Variants in RCAN1 observed in about 807,000 individuals in gnomAD.
The protein encoded by RCAN1 is calcipressin-1.
A neutral mutation model predicts 22.9 loss-of-function variants in RCAN1; 11 were observed. That is an observed-to-expected ratio of 0.48 (90% CI 0.30 to 0.79). RCAN1 has a LOEUF of 0.79. Ranked by LOEUF, RCAN1 falls within the 30% of genes least tolerant of loss-of-function variation. The pLI is 0.06. For missense variants in RCAN1, 291 were observed against 337.8 expected, an observed-to-expected ratio of 0.86 and a Z score of 1.09; for synonymous variants, 136 against 142.3, an observed-to-expected ratio of 0.96 and a Z score of 0.32.
At chr21:34,608,589 A>G (rs1229026243) in intron 1 of RCAN1, among the ~76,000 whole-genome samples, 2 of 152,186 alleles carry the variant, frequency 1.3e-5, no homozygotes, top group South Asian at 2.1e-4. Flanking sequence ...CACAGCTGAT[A>G]TTTTATTGCA....
intron 1 of RCAN1, among the ~76,000 whole-genome samples, chr21:34,591,141 C>A (rs367869098): frequency 6.6e-6 from 1 of 152,184 alleles, no homozygotes; most frequent in Admixed American, 6.5e-5. Flanking sequence ...ATGCTAAATA[C>A]GTATTTATGC....
At chr21:34,520,518 T>C (rs1325027750) in intron 3 of RCAN1, among the ~76,000 whole-genome samples, 2 of 152,218 alleles carry the variant, frequency 1.3e-5, no homozygotes, top group Admixed American at 6.5e-5. Context: ...TTTTCAGAAA[T>C]GTAATCTTTT....
chr21:34,564,971 A>C (rs1986949324), intron 1 of RCAN1, among the ~76,000 whole-genome samples: 1 of 152,176 alleles, frequency 6.6e-6, no homozygotes, highest in Non-Finnish European at 1.5e-5. Context: ...AGGCCAAGAC[A>C]GTAGGATTGC....
chr21:34,608,667 CTG>C (rs1342474047), intron 1 of RCAN1, among the ~76,000 whole-genome samples: 3 of 152,234 alleles, frequency 2.0e-5, no homozygotes, highest in Non-Finnish European at 4.4e-5. Flanking sequence ...CCCACAGACA[CTG>C]TGACATAATT....
rs772496323 is a variant in RCAN1, at chr21:34,592,159, G to C, written c.252+22601C>G. On this transcript the variant is annotated intron_variant, in intron 1 of 3. Transcript: ENST00000313806. ...GAGCCAGAAAACCTGAGAAAACTACGCAAGTGCACTCCAGTGTCTGAATTT... is the reference window on the plus strand; with the variant it reads ...GAGCCAGAAAACCTGAGAAAACTACCCAAGTGCACTCCAGTGTCTGAATTT... 2.0e-4 allele frequency among the ~76,000 whole-genome samples: 31 copies of C among 152,176 alleles called. 1 individual carries two copies. Among genetic ancestry groups the C allele is most frequent in the Non-Finnish European group, 5.9e-5 (4 of 68,034 alleles).
chr21:34,605,561 T>G (rs1254356244), intron 1 of RCAN1, among the ~76,000 whole-genome samples: 2 of 152,202 alleles, frequency 1.3e-5, no homozygotes, highest in Non-Finnish European at 2.9e-5. Flanking sequence ...CACAGAGCTA[T>G]CCTAGGATTG....
At chr21:34,549,225 C>T (rs1385438985) in intron 1 of RCAN1, among the ~76,000 whole-genome samples, 1 of 152,122 alleles carries the variant, frequency 6.6e-6, no homozygotes, top group African/African-American at 2.4e-5. Flanking sequence ...TCTCAGTGGC[C>T]CTCGAAGGCA....
intron 1 of RCAN1, chr21:34,525,148 G>A: frequency 1.3e-6 from 2 of 1,550,614 alleles, no homozygotes; most frequent in South Asian, 2.4e-5. Context: ...CAGGATAAGA[G>A]AGGAGAGTGT....
intron 1 of RCAN1, among the ~76,000 whole-genome samples, chr21:34,557,488 C>CT (rs1203475542): frequency 6.6e-6 from 1 of 152,138 alleles, no homozygotes; most frequent in Non-Finnish European, 1.5e-5. Flanking sequence ...AAAGGGAAGG[C>CT]TAGAAAGACA....
At chr21:34,531,290 T>C (rs1985376353) in intron 1 of RCAN1, among the ~76,000 whole-genome samples, 1 of 152,206 alleles carries the variant, frequency 6.6e-6, no homozygotes, top group Non-Finnish European at 1.5e-5. Flanking sequence ...CTCTGGGCTT[T>C]TCATTGCAGA....
intron 1 of RCAN1, among the ~76,000 whole-genome samples, chr21:34,574,321 AT>A (rs1987333904): frequency 6.6e-6 from 1 of 152,258 alleles, no homozygotes; most frequent in Non-Finnish European, 1.5e-5. Context: ...TAAGCTATCA[AT>A]CAAGCGTGAG....
chr21:34,562,509 C>T (rs995727576), intron 1 of RCAN1, among the ~76,000 whole-genome samples: 3 of 152,206 alleles, frequency 2.0e-5, no homozygotes, highest in African/African-American at 4.8e-5. Context: ...GGTGCCACCT[C>T]AGTCCCTCTT....
chr21:34,527,868 A>T (rs1985164337), intron 1 of RCAN1, among the ~76,000 whole-genome samples: 1 of 152,036 alleles, frequency 6.6e-6, no homozygotes, highest in South Asian at 2.1e-4. Context: ...AAAAAAAAAA[A>T]AAAGGAAAGG....
chr21:34,544,260 A>T (rs1986042870), intron 1 of RCAN1, among the ~76,000 whole-genome samples: 1 of 152,216 alleles, frequency 6.6e-6, no homozygotes, highest in Non-Finnish European at 1.5e-5. Flanking sequence ...TGTGGGGTGA[A>T]CACTTAAAAG....
At chr21:34,562,184 G>T (rs867288638) in intron 1 of RCAN1, among the ~76,000 whole-genome samples, 16 of 152,128 alleles carry the variant, frequency 1.1e-4, no homozygotes, top group African/African-American at 2.7e-4. Flanking sequence ...TTCCTTCAGG[G>T]GCAATTTCTT....
At chr21:34,598,764 AC>A (rs1988241095) in intron 1 of RCAN1, among the ~76,000 whole-genome samples, 1 of 152,250 alleles carries the variant, frequency 6.6e-6, no homozygotes, top group Non-Finnish European at 1.5e-5. Context: ...GCAGTAAGGT[AC>A]TAATTTCCTT....
chr21:34,579,065 C>T (rs760165893), intron 1 of RCAN1, among the ~76,000 whole-genome samples: 4 of 152,110 alleles, frequency 2.6e-5, no homozygotes, highest in Non-Finnish European at 5.9e-5. Flanking sequence ...GTTTTTAGGC[C>T]AGTTGTTTAG....
chr21:34,554,512 G>T lies in RCAN1; in HGVS notation c.253-30802C>A, dbSNP rs558920579. Among the ~76,000 whole-genome samples the T allele has an allele frequency of 2.6e-5, 4 of 152,230 alleles. No individual in the cohort carries two copies. In the East Asian group the frequency reaches 7.7e-4, roughly 29 times the overall value. On this transcript the variant is annotated intron_variant, in intron 1 of 3. Coordinates refer to ENST00000313806, the MANE Select transcript of RCAN1 (RefSeq NM_004414.7). ...CCAGACTGAACACACCTGAAGCCAG[G>T]GATGGTGCTTTTAACATCACAGAAG... is the stretch of plus-strand genomic sequence containing the variant.
intron 1 of RCAN1, among the ~76,000 whole-genome samples, chr21:34,553,165 C>T (rs1238132240): frequency 1.3e-5 from 2 of 152,176 alleles, no homozygotes; most frequent in African/African-American, 4.8e-5. Flanking sequence ...TCTGCGGAAG[C>T]CAACTGCTTC....
Sources: allele counts gnomAD v4.1 joint callset (sites outside exome capture counted in the v4.1 genomes callset), GRCh38; gene constraint gnomAD v4.1.1; transcripts MANE v1.5; gene names NCBI Gene and HGNC (gene_info 2026-07-23, HGNC 2026-07-21).